The following NUB1 variants were observed in gnomAD, a reference collection of about 807,000 sequenced individuals.
The protein encoded by NUB1 is NEDD8 ultimate buster 1.
In NUB1, 41 loss-of-function variants were observed where a neutral mutation model predicts 77.1. That is an observed-to-expected ratio of 0.53 (90% CI 0.41 to 0.69). The LOEUF is 0.69. NUB1 is among the 30% of genes least tolerant of loss of function. The pLI, the probability that NUB1 is intolerant of heterozygous loss-of-function variation, is 0.00. For synonymous variants in NUB1, 257 were observed against 281.0 expected, an observed-to-expected ratio of 0.91 and a Z score of 0.85; for missense variants, 643 against 743.8, an observed-to-expected ratio of 0.86 and a Z score of 1.58.
chr7:151,360,398 T>A, intron 8 of NUB1, 151 bp downstream of exon 8: 1 of 479,850 alleles, frequency 2.1e-6, no homozygotes, highest in Non-Finnish European at 3.7e-6. Context: ...GTGAATTTCT[T>A]CTTCCCTTTG....
chr7:151,356,960 G>A (rs1220916668), intron 7 of NUB1, among the ~76,000 whole-genome samples: 1 of 152,066 alleles, frequency 6.6e-6, no homozygotes, highest in African/African-American at 2.4e-5. Context: ...CAGGTGATTT[G>A]CCCACCTTGG....
intron 7 of NUB1, among the ~76,000 whole-genome samples, chr7:151,358,286 G>A (rs2150683752): frequency 6.6e-6 from 1 of 152,226 alleles, no homozygotes; most frequent in Admixed American, 6.5e-5. Context: ...TTTGTCTTTT[G>A]AAAATGATGA....
chr7:151,374,592 T>TATA (rs1276844160), intron 12 of NUB1: 3 of 345,854 alleles, frequency 8.7e-6, no homozygotes, highest in East Asian at 1.1e-4. Flanking sequence ...CAACTTGTAG[T>TATA]ATAATTGTTT....
Position 151,350,290 on chromosome 7 carries a change from G to A in NUB1, c.285+1050G>A, listed in dbSNP as rs1584939286. ...TGTGGGCGGGCCTGACTAATGTCAG[G>A]CCTTCCACAAGAGGTGGTGGAGCAG... On this transcript the variant is annotated intron_variant, in intron 3 of 14. Transcript: ENST00000568733. Among the ~76,000 whole-genome samples, 3 of 152,236 alleles carry A rather than the reference G, an allele frequency of 2.0e-5. No homozygotes were observed. In the South Asian group the frequency reaches 6.2e-4, roughly 32 times the overall value.
At chr7:151,367,714 T>G (rs1797760501) in intron 9 of NUB1, 147 bp from the exon 10 acceptor site, 2 of 584,518 alleles carry the variant, frequency 3.4e-6, no homozygotes, top group African/African-American at 3.8e-5. Flanking sequence ...GGGGCTTCAC[T>G]TTTGCCGTCA....
chr7:151,377,088 G>A lies in NUB1; in HGVS notation c.1711G>A (p.Ala571Thr), dbSNP rs1447929545. 2 of 1,578,590 alleles carry A rather than the reference G, an allele frequency of 1.3e-6. No homozygotes were observed. The highest frequency in any genetic ancestry group is 1.4e-5 in the African/African-American group (1 of 73,864). The change falls in exon 15 of 15, where the codon GCC (alanine) becomes ACC (threonine). Residue 571 changes from alanine (A) to threonine (T), a missense_variant. By Grantham distance (58) the Ala-to-Thr change is moderately conservative. Transcript: ENST00000568733. ...ASTDEDMETEAVNEILEDIPE... is the reference protein window; with the variant it reads ...ASTDEDMETETVNEILEDIPE... ...AACAGACGAAGACATGGAGACAGAG[G>A]CCGTCAATGAGATACTGGAAGACAT... is the stretch of plus-strand genomic sequence containing the variant.
At chr7:151,365,058 A>G (rs1797604253) in intron 8 of NUB1, among the ~76,000 whole-genome samples, 1 of 151,318 alleles carries the variant, frequency 6.6e-6, no homozygotes, top group Non-Finnish European at 1.5e-5. Flanking sequence ...TCTTGGGTTC[A>G]AGTGATTTTC....
At chr7:151,373,014 G>T (rs529717114) in intron 11 of NUB1, among the ~76,000 whole-genome samples, 1 of 152,266 alleles carries the variant, frequency 6.6e-6, no homozygotes, top group South Asian at 2.1e-4. Flanking sequence ...CCTACTGTGG[G>T]GCCTGTGGAG....
At chr7:151,357,366 C>T (rs1327812761) in intron 7 of NUB1, among the ~76,000 whole-genome samples, 6 of 151,732 alleles carry the variant, frequency 4.0e-5, no homozygotes, top group South Asian at 2.1e-4. Flanking sequence ...TCAGATGATC[C>T]GCCCGCCTCG....
intron 1 of NUB1, among the ~76,000 whole-genome samples, chr7:151,344,989 G>C (rs550577239): frequency 6.6e-6 from 1 of 152,126 alleles, no homozygotes; most frequent in Non-Finnish European, 1.5e-5. Context: ...GACAGAGCGA[G>C]ACTCCGTCTC....
Position 151,356,182 on chromosome 7 carries a change from A to T in NUB1, c.653A>T (p.Gln218Leu), listed in dbSNP as rs1797055660. Residue 218 changes from glutamine to leucine, a missense_variant, in exon 7 of 15, where the codon CAG becomes CTG. Transcript: ENST00000568733. ...EMTPYLDIANQTGRSIRIPPS... is the reference protein window; with the variant it reads ...EMTPYLDIANLTGRSIRIPPS... Reference sequence around the variant, plus strand: ...ACACCGTACTTAGACATAGCTAACCAGACAGGCAGATCAATCAGAATTCCC... The same window carrying T: ...ACACCGTACTTAGACATAGCTAACCTGACAGGCAGATCAATCAGAATTCCC... The T allele has an allele frequency of 6.2e-7, 1 of 1,613,772 alleles. No individual in the cohort carries two copies. Among genetic ancestry groups the T allele is most frequent in the African/African-American group, 1.3e-5 (1 of 74,940 alleles).
chr7:151,351,229 C>T (rs1016202000), intron 3 of NUB1, 195 bp from the exon 4 acceptor site: 1 of 564,938 alleles, frequency 1.8e-6, no homozygotes, highest in African/African-American at 1.9e-5. Context: ...ACGCTGCCGC[C>T]CCCTTGAGGA....
intron 1 of NUB1, among the ~76,000 whole-genome samples, chr7:151,343,174 T>C (rs181411604): frequency 2.0e-5 from 3 of 152,352 alleles, no homozygotes; most frequent in Admixed American, 1.3e-4. Context: ...TAAGTACTAA[T>C]ATGCTTTGCT....
intron 10 of NUB1, 66 bp from the exon 11 acceptor site, chr7:151,368,669 T>C (rs1404341589): frequency 8.1e-6 from 12 of 1,484,326 alleles, no homozygotes; most frequent in African/African-American, 2.8e-5. Flanking sequence ...TCTTTTAGGC[T>C]TTCACTTTGT....
At position 151,366,963 on chromosome 7, in the gene NUB1, C is replaced by T; in HGVS notation, c.825C>T (p.Asp275=). Residue 275 remains aspartate, a synonymous_variant, in exon 9 of 15, where the codon GAC becomes GAT. Coordinates refer to ENST00000568733, the MANE Select transcript of NUB1 (RefSeq NM_001243351.2). ...YFCECCRELL[D]TVDNYAVLQL... ...GTGAGTGTTGCAGAGAGCTGCTGGA[C>T]ACAGTGGATAACTACGCCGTCCTCC... 1 of 1,612,316 alleles carries T rather than the reference C, an allele frequency of 6.2e-7. No individual in the cohort carries two copies. The highest frequency in any genetic ancestry group is 8.5e-7 in the Non-Finnish European group (1 of 1,179,068).
chr7:151,342,240 T>C (rs1468603084), intron 1 of NUB1, among the ~76,000 whole-genome samples: 3 of 152,258 alleles, frequency 2.0e-5, no homozygotes, highest in Non-Finnish European at 4.4e-5. Flanking sequence ...TTTTCTTTGC[T>C]ATTTAATGAC....
intron 11 of NUB1, among the ~76,000 whole-genome samples, chr7:151,373,139 G>A (rs1798037486): frequency 6.6e-6 from 1 of 152,198 alleles, no homozygotes; most frequent in Non-Finnish European, 1.5e-5. Flanking sequence ...GCAGGATCAG[G>A]TCTCTGGAAG....
At chr7:151,353,378 C>T (rs1796908364) in intron 5 of NUB1, among the ~76,000 whole-genome samples, 1 of 152,070 alleles carries the variant, frequency 6.6e-6, no homozygotes, top group Non-Finnish European at 1.5e-5. Context: ...ACTGTGAATT[C>T]CCAGGAGACA....
intron 3 of NUB1, 144 bp downstream of exon 3, chr7:151,349,384 A>G (rs1796680644): frequency 5.4e-6 from 4 of 738,726 alleles, no homozygotes; most frequent in Non-Finnish European, 6.5e-6. Flanking sequence ...TCAGCTTGAA[A>G]GTCAATGTTA....
Sources: gnomAD v4.1 joint callset for allele counts (sites outside exome capture counted in the v4.1 genomes callset) on GRCh38, gnomAD v4.1.1 for gene constraint, MANE v1.5 for transcripts, NCBI Gene and HGNC (gene_info 2026-07-23, HGNC 2026-07-21) for gene names.